CNIH3: variants seen among roughly 807,000 people sequenced by gnomAD.
CNIH3 encodes the protein cornichon family AMPA receptor auxiliary protein 3.
CNIH3 carries 14 observed loss-of-function variants against 24.1 expected under a neutral mutation model. That is an observed-to-expected ratio of 0.58 (90% confidence interval 0.38 to 0.91). The LOEUF (loss-of-function observed/expected upper bound fraction) is 0.91. CNIH3 is among the 40% of genes least tolerant of loss of function. The pLI is 0.00. For missense variants in CNIH3, 178 were observed against 196.8 expected (o/e 0.90, Z 0.57); for synonymous variants, 68 against 73.8 (o/e 0.92, Z 0.40).
chr1:224,505,080 G>A (rs968743857), intron 1 of CNIH3, among the ~76,000 whole-genome samples: 3 of 122,342 alleles, frequency 2.5e-5, no homozygotes, highest in African/African-American at 9.5e-5. Context: ...TGAGAGACAG[G>A]TCAAGTGTAA....
chr1:224,553,877 T>A (rs1271928797), intron 3 of CNIH3, among the ~76,000 whole-genome samples: 1 of 151,546 alleles, frequency 6.6e-6, no homozygotes, highest in East Asian at 1.9e-4. Context: ...GTTATCTTGA[T>A]CCTCTATGGG....
chr1:224,501,188 AT>A (rs1420409671), intron 1 of CNIH3, among the ~76,000 whole-genome samples: 1 of 152,030 alleles, frequency 6.6e-6, no homozygotes, highest in African/African-American at 2.4e-5. Flanking sequence ...TTGTTTGTAT[AT>A]TTGACTCCTA....
chr1:224,619,766 A>G (rs1683192220), intron 1 of CNIH3, among the ~76,000 whole-genome samples: 1 of 152,218 alleles, frequency 6.6e-6, no homozygotes, highest in African/African-American at 2.4e-5. Context: ...TGATTGTGTG[A>G]TATATATCAG....
intron 3 of CNIH3, among the ~76,000 whole-genome samples, chr1:224,597,015 G>T (rs903705835): frequency 6.6e-6 from 1 of 152,088 alleles, no homozygotes; most frequent in Non-Finnish European, 1.5e-5. Context: ...AGCCAGGCGT[G>T]GTGGTGCATG....
chr1:224,724,911 T>C (rs532181990), intron 3 of CNIH3, among the ~76,000 whole-genome samples: 24 of 152,212 alleles, frequency 1.6e-4, no homozygotes, highest in African/African-American at 5.5e-4. Context: ...TATATGATTA[T>C]TAAAAATAAT....
intron 1 of CNIH3, among the ~76,000 whole-genome samples, chr1:224,462,724 C>T (rs1314437800): frequency 4.1e-5 from 6 of 146,452 alleles, no homozygotes; most frequent in African/African-American, 1.3e-4. Context: ...ACCAGAGCCT[C>T]GACCTCCCAG....
intron 3 of CNIH3, among the ~76,000 whole-genome samples, chr1:224,722,287 A>G (rs1688762580): frequency 6.6e-6 from 1 of 152,182 alleles, no homozygotes. Context: ...GTTTAACAAA[A>G]TCACCTGGAA....
At chr1:224,588,819 A>G (rs544528335), downstream of CNIH3, among the ~76,000 whole-genome samples, 4 of 151,690 alleles carry the variant, frequency 2.6e-5, no homozygotes, top group African/African-American at 9.7e-5. Flanking sequence ...TAGGAGTTAA[A>G]AAAAAGACTT....
At chr1:224,435,400 ACT>A (rs1674606845) in intron 1 of CNIH3, among the ~76,000 whole-genome samples, 1 of 151,918 alleles carries the variant, frequency 6.6e-6, no homozygotes, top group Admixed American at 6.6e-5. Flanking sequence ...AGCCGGTGAG[ACT>A]CTGCTCCACC....
chr1:224,532,743 C>A (rs889045973), intron 2 of CNIH3, among the ~76,000 whole-genome samples: 2 of 152,164 alleles, frequency 1.3e-5, no homozygotes, highest in Non-Finnish European at 2.9e-5. Flanking sequence ...AGAATAACTG[C>A]AGGAATAATA....
At chr1:224,712,558 G>A (rs1335499202) in intron 3 of CNIH3, among the ~76,000 whole-genome samples, 1 of 152,180 alleles carries the variant, frequency 6.6e-6, no homozygotes, top group African/African-American at 2.4e-5. Context: ...ATGCATGAGA[G>A]ACTCCTTTGA....
At chr1:224,681,061 T>C in intron 2 of CNIH3, 35 bp downstream of exon 2, 3 of 1,577,192 alleles carry the variant, frequency 1.9e-6, no homozygotes, top group Non-Finnish European at 1.7e-6. Context: ...GAAGGTGCTA[T>C]CACCCCAGGC....
intron 3 of CNIH3, among the ~76,000 whole-genome samples, chr1:224,698,105 C>T (rs1687273152): frequency 6.6e-6 from 1 of 152,196 alleles, no homozygotes. Context: ...GTTTCACTGG[C>T]TCTGATTTCT....
At position 224,458,537 on chromosome 1, in the gene CNIH3, A is replaced by G. The variant is rs1010360226; in HGVS notation, n.203+23675A>G. Among the ~76,000 whole-genome samples, 4 of 152,040 alleles carry G rather than the reference A, an allele frequency of 2.6e-5. No individual in the cohort carries two copies. The highest frequency in any genetic ancestry group is 1.5e-5 in the Non-Finnish European group (1 of 67,934). ...AGAGCCTGGTCTGATGACAGCAACC[A>G]CCCTTTGACTACCTTCTCTGTGGCT... On this transcript the variant is annotated intron_variant and non_coding_transcript_variant, in intron 1 of 5. Transcript: ENST00000471578. The surrounding 1 kb of genome is among the most constrained non-coding windows in gnomAD (Gnocchi z 4.3).
chr1:224,705,304 A>G (rs1053531359), intron 3 of CNIH3, among the ~76,000 whole-genome samples: 3 of 152,216 alleles, frequency 2.0e-5, no homozygotes, highest in East Asian at 1.9e-4. Flanking sequence ...AAGCACTGCA[A>G]TCAAAGGCTG....
intron 1 of CNIH3, among the ~76,000 whole-genome samples, chr1:224,657,522 TTGAAAA>T (rs1032224108): frequency 3.3e-4 from 51 of 152,278 alleles, no homozygotes; most frequent in African/African-American, 1.2e-3. Flanking sequence ...GTTCTTGACT[TTGAAAA>T]CAAAAACAAA....
intron 1 of CNIH3, chr1:224,515,955 G>A (rs1356276320): frequency 6.6e-6 from 1 of 152,098 alleles, no homozygotes; most frequent in East Asian, 1.9e-4. Context: ...ATAAATACAT[G>A]AACATTTTAG....
intron 1 of CNIH3, among the ~76,000 whole-genome samples, chr1:224,650,982 G>T (rs1344102469): frequency 6.6e-6 from 1 of 152,126 alleles, no homozygotes; most frequent in Non-Finnish European, 1.5e-5. Context: ...TCAGTTTTCT[G>T]TGTGGTTGTT....
rs752383925 is a variant in CNIH3 at position 224,721,976 on chromosome 1, G to A, written c.199-8486G>A. On this transcript the variant is annotated intron_variant, in intron 3 of 5. Transcript: ENST00000272133. ...CAGGGGTGCTCTCCCACGGGGTGGT[G>A]TGTGGGAAAGCCAGGAGCCAGAGAC... is the stretch of plus-strand genomic sequence containing the variant. Among the ~76,000 whole-genome samples, 4 of 152,150 alleles carry A rather than the reference G, an allele frequency of 2.6e-5. No homozygotes were observed. In the East Asian group the frequency reaches 7.7e-4, roughly 29 times the overall value.
Sources: allele counts gnomAD v4.1 joint callset (sites outside exome capture counted in the v4.1 genomes callset), GRCh38; gene constraint gnomAD v4.1.1; non-coding constraint Gnocchi (gnomAD v3.1); transcripts MANE v1.5; gene names NCBI Gene and HGNC (gene_info 2026-07-23, HGNC 2026-07-21).